Variants in MYLK4 observed in about 807,000 individuals in gnomAD.
MYLK4 encodes caMLCK like.
MYLK4 carries 46 observed loss-of-function variants against 48.1 expected under a neutral mutation model. That is an observed-to-expected ratio of 0.96 (90% CI 0.75 to 1.22). MYLK4 has a LOEUF of 1.22. Ranked by LOEUF, MYLK4 falls within the 50% of genes most tolerant of loss-of-function variation. The probability of loss-of-function intolerance (pLI) is 0.00; values close to 1 mark genes in which losing one functional copy is unlikely to be tolerated. For synonymous variants in MYLK4, 170 were observed against 180.8 expected, an observed-to-expected ratio of 0.94 and a Z score of 0.48; for missense variants, 451 against 486.1, an observed-to-expected ratio of 0.93 and a Z score of 0.68.
At chr6:2,735,174 T>C (rs1763625896) in intron 2 of MYLK4, among the ~76,000 whole-genome samples, 1 of 152,362 alleles carries the variant, frequency 6.6e-6, no homozygotes, top group Non-Finnish European at 1.5e-5. Flanking sequence ...ATTTCAGTAA[T>C]AACAGACAAG....
chr6:2,698,316 A>G (rs926995322), intron 2 of MYLK4, among the ~76,000 whole-genome samples: 2 of 152,064 alleles, frequency 1.3e-5, no homozygotes, highest in African/African-American at 4.8e-5. Context: ...GTCTTTTCAA[A>G]CCTCCTCAGC....
At chr6:2,715,254 C>T (rs1421192719) in intron 2 of MYLK4, among the ~76,000 whole-genome samples, 1 of 48,396 alleles carries the variant, frequency 2.1e-5, no homozygotes, top group African/African-American at 7.7e-5. Context: ...GAGCAAGACT[C>T]CGTTTCAAAA....
chr6:2,763,679 C>T, the MYLK4 span, among the ~76,000 whole-genome samples: 10 of 152,386 alleles, frequency 6.6e-5, no homozygotes, highest in Non-Finnish European at 7.3e-5. Flanking sequence ...CTGAGGGAGC[C>T]AGCTCCGGCC....
In MYLK4 at chr6:2,685,158, T is replaced by A. The variant is rs1167993070; in HGVS notation, c.545+138A>T. The stretch of plus-strand genomic sequence containing the variant: ...GTTTCCCTTCTAGAACTGATGTGAT[T>A]GTGTGATCCGCGCGAATCAGAGTCT... On this transcript the variant is annotated intron_variant, in intron 6 of 12. Coordinates refer to ENST00000274643, the MANE Select transcript of MYLK4 (RefSeq NM_001012418.5). The surrounding 1 kb of genome is among the most constrained non-coding windows in gnomAD (Gnocchi z 4.5). The A allele has an allele frequency of 1.5e-6, 1 of 646,842 alleles. No individual in the cohort carries two copies. The highest frequency in any genetic ancestry group is 2.8e-6 in the Non-Finnish European group (1 of 354,300). The allele number at this position is 646,842 out of a possible 1,614,324, so 40.1% of individuals were successfully genotyped here. A position where few individuals can be genotyped will look rare whatever the true frequency, so the allele number is the denominator to read the frequency against.
intron 2 of MYLK4, among the ~76,000 whole-genome samples, chr6:2,723,328 A>G (rs1189855263): frequency 6.6e-6 from 1 of 152,238 alleles, no homozygotes; most frequent in Non-Finnish European, 1.5e-5. Flanking sequence ...GTGAGTGCTG[A>G]TAATTATTAA....
rs747931547 is a variant in MYLK4 at position 2,692,826 on chromosome 6, C to A, written c.193G>T (p.Glu65Ter). The change falls in exon 3 of 13, where the codon GAA (glutamate) becomes TAA (stop). Residue 65 changes from glutamate to a stop codon, truncating the protein, a stop_gained. Coordinates refer to ENST00000274643, the MANE Select transcript of MYLK4 (RefSeq NM_001012418.5). LOFTEE classifies it high-confidence loss of function. ...CTTTTGCTTTTGACGGGCATCCTTT[C>A]CGTCAGGTCGGCGTTTGACCACACC... ...KEVWSNADLT[E>*]RMPVKSKRTS... The A allele has an allele frequency of 6.2e-7, 1 of 1,613,752 alleles. No homozygotes were observed. Among genetic ancestry groups the A allele is most frequent in the Non-Finnish European group, 8.5e-7 (1 of 1,179,882 alleles).
intron 4 of MYLK4, among the ~76,000 whole-genome samples, chr6:2,687,213 A>G (rs548183916): frequency 7.0e-4 from 106 of 152,356 alleles, no homozygotes; most frequent in African/African-American, 2.5e-3. Context: ...AAAGTAAAAG[A>G]TAAGTTGCTA....
At chr6:2,712,989 CTG>C (rs1259440195) in intron 2 of MYLK4, among the ~76,000 whole-genome samples, 1 of 152,224 alleles carries the variant, frequency 6.6e-6, no homozygotes, top group South Asian at 2.1e-4. Context: ...CTATGCTTCT[CTG>C]TCAAATGGGC....
chr6:2,693,501 A>C (rs994479738), intron 2 of MYLK4, among the ~76,000 whole-genome samples: 17 of 152,374 alleles, frequency 1.1e-4, no homozygotes, highest in African/African-American at 3.8e-4. Context: ...TTCTTCTCAC[A>C]GTCCTGGAGT....
At chr6:2,765,923 G>T in the MYLK4 span, 2 of 1,452,836 alleles carry the variant, frequency 1.4e-6, no homozygotes, top group South Asian at 1.3e-5. Flanking sequence ...GGAGGGCGAC[G>T]ACGGCGGCGA....
intron 1 of MYLK4, among the ~76,000 whole-genome samples, 156 bp from the exon 2 acceptor site, chr6:2,749,562 C>T (rs1422140488): frequency 2.6e-5 from 4 of 152,058 alleles, no homozygotes; most frequent in African/African-American, 9.7e-5. Context: ...ATTGAGTTTC[C>T]AACATTGGAA....
chr6:2,725,593 A>AAG (rs1554131514), intron 2 of MYLK4, among the ~76,000 whole-genome samples: 54 of 143,620 alleles, frequency 3.8e-4, no homozygotes, highest in African/African-American at 1.4e-3. Flanking sequence ...AAGAGAAAGA[A>AAG]AGAAAGAAAG....
At chr6:2,709,645 C>A (rs903342584) in intron 2 of MYLK4, among the ~76,000 whole-genome samples, 1 of 152,212 alleles carries the variant, frequency 6.6e-6, no homozygotes, top group African/African-American at 2.4e-5. Context: ...TCTTTGGCAA[C>A]CTATGTGATT....
intron 2 of MYLK4, among the ~76,000 whole-genome samples, chr6:2,744,972 C>G (rs995491719): frequency 6.6e-6 from 1 of 152,182 alleles, no homozygotes; most frequent in Non-Finnish European, 1.5e-5. Flanking sequence ...CATTCACAAC[C>G]TGTGTCCTAC....
chr6:2,692,719 A>G, intron 3 of MYLK4, 65 bp downstream of exon 3: 1 of 1,463,820 alleles, frequency 6.8e-7, no homozygotes, highest in Non-Finnish European at 9.4e-7. Flanking sequence ...TCCTCTGAAT[A>G]ACAACAGGAC....
intron 2 of MYLK4, among the ~76,000 whole-genome samples, chr6:2,741,521 C>G (rs921619182): frequency 6.6e-6 from 1 of 152,086 alleles, no homozygotes; most frequent in Non-Finnish European, 1.5e-5. Flanking sequence ...TGGGCAGGTA[C>G]CTATACACAG....
At position 2,665,561 on chromosome 6, in the gene MYLK4, G is replaced by A. The variant is rs1420453215; in HGVS notation, c.*2364C>T. On this transcript the variant is annotated 3_prime_UTR_variant, in exon 13 of 13. Coordinates refer to ENST00000274643, the MANE Select transcript of MYLK4 (RefSeq NM_001012418.5). ...TGCAGGGTCATCAGTGCATTAACTTGGCAAAGAAATCATGCCTGTATTTGG... is the reference window on the plus strand; with the variant it reads ...TGCAGGGTCATCAGTGCATTAACTTAGCAAAGAAATCATGCCTGTATTTGG... 2.0e-5 allele frequency: 3 copies of A among 152,212 alleles called. No individual in the cohort carries two copies. Among genetic ancestry groups the A allele is most frequent in the African/African-American group, 7.2e-5 (3 of 41,450 alleles). The allele number at this position is 152,212 out of a possible 1,614,324, so 9.4% of individuals were successfully genotyped here. A position where few individuals can be genotyped will look rare whatever the true frequency, so the allele number is the denominator to read the frequency against.
the MYLK4 span, chr6:2,766,517 G>A: frequency 8.4e-6 from 12 of 1,431,788 alleles, no homozygotes; most frequent in South Asian, 1.6e-4. Flanking sequence ...CGGAGAGCCG[G>A]GTGTGCTGCC....
At position 2,678,387 on chromosome 6, in the gene MYLK4, G is replaced by T. The variant is rs780536366; in HGVS notation, c.888-15C>A. On this transcript the variant is annotated splice_polypyrimidine_tract_variant and intron_variant, in intron 9 of 12. Transcript: ENST00000274643. ...AACCGCTAAGTCTGGAGGACACGGG[G>T]TCCAGAGTGAGTATTTTTTAAACAG... 6.2e-7 allele frequency: 1 copy of T among 1,612,090 alleles called. No individual in the cohort carries two copies. The highest frequency in any genetic ancestry group is 1.7e-5 in the Admixed American group (1 of 59,844).
Sources: gnomAD v4.1 joint callset for allele counts (sites outside exome capture counted in the v4.1 genomes callset) on GRCh38, gnomAD v4.1.1 for gene constraint, Gnocchi (gnomAD v3.1) non-coding constraint, MANE v1.5 for transcripts, NCBI Gene and HGNC (gene_info 2026-07-23, HGNC 2026-07-21) for gene names.